Variants in PAPPA2 observed in about 807,000 individuals in gnomAD.
PAPPA2 encodes pappalysin-2.
PAPPA2 carries 86 observed loss-of-function variants against 176.4 expected under a neutral mutation model. The observed-to-expected ratio is 0.49, with a 90% CI of 0.41 to 0.58. The LOEUF (loss-of-function observed/expected upper bound fraction) is 0.58, where lower values mean the gene tolerates loss of function less well. Among genes scored for constraint, PAPPA2 ranks in the 20% least tolerant of loss-of-function variants. PAPPA2 has a pLI of 0.00. For missense variants in PAPPA2, 2,073 were observed against 2,256.9 expected (o/e 0.92, Z 1.65); for synonymous variants, 809 against 852.2 (o/e 0.95, Z 0.88).
At chr1:176,482,847 C>T (rs182751761) in intron 1 of PAPPA2, among the ~76,000 whole-genome samples, 1 of 152,244 alleles carries the variant, frequency 6.6e-6, no homozygotes, top group East Asian at 1.9e-4. Flanking sequence ...ATCACAGTAA[C>T]CAAGAAGTGT....
At chr1:176,634,973 AG>A (rs1656606812) in intron 3 of PAPPA2, among the ~76,000 whole-genome samples, 2 of 133,360 alleles carry the variant, frequency 1.5e-5, no homozygotes, top group African/African-American at 3.3e-5. Flanking sequence ...ATAAATAGAT[AG>A]ATAGATAGAT....
Position 176,789,864 on chromosome 1 carries a change from A to G in PAPPA2, c.4771A>G (p.Ile1591Val). 1 of 1,614,124 alleles carries G rather than the reference A, an allele frequency of 6.2e-7. No homozygotes were observed. Among genetic ancestry groups the G allele is most frequent in the Non-Finnish European group, 8.5e-7 (1 of 1,180,004 alleles). Reference protein sequence around the residue: ...EGGIWEQGSCIPVVCEPPPPV... With the variant: ...EGGIWEQGSCVPVVCEPPPPV... Reference sequence around the variant, plus strand: ...TGGAATCTGGGAGCAAGGCAGCTGCATTCCTGTGGTGTGTGAGCCACCCCC... The same window carrying G: ...TGGAATCTGGGAGCAAGGCAGCTGCGTTCCTGTGGTGTGTGAGCCACCCCC... The change falls in exon 18 of 23, where the codon ATT becomes GTT. Residue 1591 changes from isoleucine to valine, a missense_variant. Around this residue, in one of 4 missense-constraint regions of PAPPA2, gnomAD observed 846 missense variants for 857.9 expected, o/e 0.99. Transcript: ENST00000367662.
At chr1:176,665,208 A>G (rs965105898) in intron 3 of PAPPA2, among the ~76,000 whole-genome samples, 1 of 152,208 alleles carries the variant, frequency 6.6e-6, no homozygotes, top group Non-Finnish European at 1.5e-5. Context: ...AAATTACATT[A>G]GCTCAATATG....
intron 7 of PAPPA2, among the ~76,000 whole-genome samples, chr1:176,697,888 G>C (rs1660456817): frequency 6.6e-6 from 1 of 151,848 alleles, no homozygotes; most frequent in Non-Finnish European, 1.5e-5. Context: ...TGGTGTAAAA[G>C]AACTACACTA....
chr1:176,707,401 A>G (rs766200450), intron 10 of PAPPA2, among the ~76,000 whole-genome samples: 24 of 152,206 alleles, frequency 1.6e-4, no homozygotes, highest in Non-Finnish European at 3.4e-4. Context: ...ATCGTGTGCT[A>G]TATGTTCAGT....
intron 1 of PAPPA2, among the ~76,000 whole-genome samples, chr1:176,504,907 C>G (rs1352324998): frequency 2.6e-5 from 4 of 152,204 alleles, no homozygotes; most frequent in African/African-American, 9.6e-5. Context: ...GAGCTATAAT[C>G]TACCCATAAT....
intron 3 of PAPPA2, among the ~76,000 whole-genome samples, chr1:176,648,666 C>T (rs969209915): frequency 6.6e-6 from 1 of 151,448 alleles, no homozygotes; most frequent in African/African-American, 2.4e-5. Context: ...TTATTGAATG[C>T]TTTTTCATCT....
chr1:176,777,943 T>C (rs1444211608), intron 17 of PAPPA2, among the ~76,000 whole-genome samples: 4 of 151,806 alleles, frequency 2.6e-5, no homozygotes, highest in Non-Finnish European at 5.9e-5. Flanking sequence ...AATAGGGAAA[T>C]TTCTTCTTTA....
chr1:176,811,404 T>G (rs1666143422), intron 21 of PAPPA2, among the ~76,000 whole-genome samples: 1 of 152,208 alleles, frequency 6.6e-6, no homozygotes, highest in African/African-American at 2.4e-5. Flanking sequence ...ATTCCTTCCC[T>G]GTTTCTCAGA....
chr1:176,528,220 A>G (rs746807722), intron 1 of PAPPA2, among the ~76,000 whole-genome samples: 3 of 152,218 alleles, frequency 2.0e-5, no homozygotes, highest in Non-Finnish European at 2.9e-5. Flanking sequence ...GGTCCAAGAT[A>G]GACTGAAGAG....
intron 2 of PAPPA2, among the ~76,000 whole-genome samples, chr1:176,584,600 T>C (rs2102633939): frequency 6.6e-6 from 1 of 152,326 alleles, no homozygotes; most frequent in South Asian, 2.1e-4. Context: ...CTATATTTTT[T>C]AGTTGGGGAA....
At chr1:176,566,771 G>T (rs1187210854) in intron 2 of PAPPA2, among the ~76,000 whole-genome samples, 2 of 152,004 alleles carry the variant, frequency 1.3e-5, no homozygotes, top group African/African-American at 4.8e-5. Context: ...TTGTTTCTTT[G>T]GGCTGACCAT....
Position 176,722,618 on chromosome 1 carries a change from C to T in PAPPA2, c.3798+10637C>T, listed in dbSNP as rs574283580. 5.9e-5 allele frequency among the ~76,000 whole-genome samples: 9 copies of T among 151,932 alleles called. No individual in the cohort carries two copies. The South Asian group carries it at 1.2e-3, about 21-fold the overall frequency. On this transcript the variant is annotated intron_variant, in intron 12 of 22. Coordinates refer to ENST00000367662, the MANE Select transcript of PAPPA2 (RefSeq NM_020318.3). The stretch of plus-strand genomic sequence containing the variant: ...CCAATTTCTATTTGGCTTTTTATAC[C>T]GTTATTTTGCATTGCTTAGGATTTG...
At chr1:176,564,096 A>G (rs865928371) in intron 2 of PAPPA2, among the ~76,000 whole-genome samples, 11 of 152,084 alleles carry the variant, frequency 7.2e-5, no homozygotes, top group Non-Finnish European at 1.3e-4. Flanking sequence ...TACATATTTA[A>G]TCCTGTATTG....
intron 12 of PAPPA2, among the ~76,000 whole-genome samples, chr1:176,722,419 C>CTTTTTTTTTTTTTT (rs34221424): frequency 8.1e-6 from 1 of 124,032 alleles, no homozygotes; most frequent in Non-Finnish European, 1.7e-5. Context: ...TATACATTTC[C>CTTTTTTTTTTTTTT]TTTTTTTTTT....
chr1:176,500,833 A>G (rs1478146788), intron 1 of PAPPA2, among the ~76,000 whole-genome samples: 3 of 151,534 alleles, frequency 2.0e-5, no homozygotes, highest in African/African-American at 7.2e-5. Flanking sequence ...CATGGCTGAC[A>G]TGTCATTGAG....
At chr1:176,732,852 T>C (rs905444110) in intron 12 of PAPPA2, among the ~76,000 whole-genome samples, 3 of 152,190 alleles carry the variant, frequency 2.0e-5, no homozygotes, top group Non-Finnish European at 4.4e-5. Context: ...ACAGCAGAGA[T>C]ACCCAACCCT....
chr1:176,713,117 C>A (rs576459410), intron 12 of PAPPA2, among the ~76,000 whole-genome samples: 129 of 151,278 alleles, frequency 8.5e-4, no homozygotes, highest in African/African-American at 3.1e-3. Flanking sequence ...CTATGGCTAA[C>A]TTTTCTTGCT....
chr1:176,708,011 A>G (rs1220604373), intron 10 of PAPPA2, among the ~76,000 whole-genome samples: 1 of 151,806 alleles, frequency 6.6e-6, no homozygotes, highest in African/African-American at 2.4e-5. Flanking sequence ...CGAACCGATT[A>G]CCTCCCTCTT....
Sources: gnomAD v4.1 joint callset for allele counts (sites outside exome capture counted in the v4.1 genomes callset) on GRCh38, gnomAD v4.1.1 for gene constraint, gnomAD v4.1.1 regional missense constraint, MANE v1.5 for transcripts, NCBI Gene and HGNC (gene_info 2026-07-23, HGNC 2026-07-21) for gene names.